The following PLEKHG1 variants were observed in gnomAD, a reference collection of about 807,000 sequenced individuals.
PLEKHG1 encodes the protein pleckstrin homology domain-containing family G member 1.
In PLEKHG1, 44 loss-of-function variants were observed where a neutral mutation model predicts 100.8. The ratio of observed to expected loss-of-function variants is 0.44; its 90% CI spans 0.34 to 0.56. The LOEUF (loss-of-function observed/expected upper bound fraction) is 0.56. Ranked by LOEUF, PLEKHG1 falls within the 20% of genes least tolerant of loss-of-function variation. The probability of loss-of-function intolerance (pLI) is 0.01; values close to 1 mark genes in which losing one functional copy is unlikely to be tolerated. For synonymous variants in PLEKHG1, 640 were observed against 662.5 expected, an observed-to-expected ratio of 0.97 and a Z score of 0.52; for missense variants, 1,545 against 1,720.9, an observed-to-expected ratio of 0.90 and a Z score of 1.81.
intron 1 of PLEKHG1, among the ~76,000 whole-genome samples, chr6:150,632,155 G>A (rs4530869): frequency 0.22 from 32,853 of 152,126 alleles, 5,280 homozygotes; most frequent in African/African-American, 0.45. Context: ...GTGAAAAAAG[G>A]AAAAGGTCAG....
intron 3 of PLEKHG1, among the ~76,000 whole-genome samples, chr6:150,702,259 C>A (rs9480545): frequency 0.092 from 13,968 of 152,166 alleles, 1,873 homozygotes; most frequent in African/African-American, 0.3. Context: ...ATCACGAGGT[C>A]AGGAGTTCAA....
At chr6:150,830,442 G>A in intron 14 of PLEKHG1, 140 bp from the exon 16 acceptor site, 1 of 637,680 alleles carries the variant, frequency 1.6e-6, no homozygotes, top group Non-Finnish European at 2.6e-6. Context: ...GGGTAACACA[G>A]CAAGACCCTA....
chr6:150,671,270 G>A (rs539379104), intron 3 of PLEKHG1, among the ~76,000 whole-genome samples: 10 of 152,250 alleles, frequency 6.6e-5, no homozygotes, highest in Non-Finnish European at 1.3e-4. Context: ...GGGATTGCAG[G>A]ATCACATGGT....
upstream of PLEKHG1, among the ~76,000 whole-genome samples, chr6:150,717,478 C>G (rs1359087910): frequency 6.6e-6 from 1 of 152,094 alleles, no homozygotes; most frequent in Non-Finnish European, 1.5e-5. Flanking sequence ...CCACGCCCGG[C>G]CTGGGAAGGG....
At chr6:150,788,373 C>T (rs556245447) in intron 4 of PLEKHG1, among the ~76,000 whole-genome samples, 4 of 152,208 alleles carry the variant, frequency 2.6e-5, no homozygotes, top group Non-Finnish European at 4.4e-5. Flanking sequence ...ATTGGGAGGC[C>T]GTTAATGAAA....
intron 2 of PLEKHG1, among the ~76,000 whole-genome samples, chr6:150,766,798 G>T (rs1784475137): frequency 6.6e-6 from 1 of 152,152 alleles, no homozygotes; most frequent in South Asian, 2.1e-4. Flanking sequence ...TTAGTATCAG[G>T]TTTCTGCAAA....
intron 2 of PLEKHG1, among the ~76,000 whole-genome samples, chr6:150,741,725 C>T (rs891599014): frequency 5.3e-5 from 8 of 152,160 alleles, no homozygotes; most frequent in Non-Finnish European, 1.5e-5. Context: ...GGCCTTTCTC[C>T]GAAACCCACT....
chr6:150,813,291 T>G (rs1202864786), intron 10 of PLEKHG1, among the ~76,000 whole-genome samples: 2 of 127,532 alleles, frequency 1.6e-5, no homozygotes, highest in East Asian at 2.2e-4. Context: ...GGCGACAGAG[T>G]GAGACTCTGT....
At chr6:150,758,573 G>A (rs1357338365) in intron 2 of PLEKHG1, among the ~76,000 whole-genome samples, 2 of 152,176 alleles carry the variant, frequency 1.3e-5, no homozygotes, top group African/African-American at 4.8e-5. Context: ...GACCTCAGGT[G>A]ATCTGCCTGC....
intron 7 of PLEKHG1, among the ~76,000 whole-genome samples, 175 bp downstream of exon 8, chr6:150,804,916 T>G (rs979500153): frequency 6.6e-6 from 1 of 151,460 alleles, no homozygotes; most frequent in African/African-American, 2.4e-5. Flanking sequence ...GTATGGCTAT[T>G]TAAGAGAAAG....
At chr6:150,816,326 C>CTTTTTTTTT (rs1173343082) in intron 10 of PLEKHG1, among the ~76,000 whole-genome samples, 628 of 41,120 alleles carry the variant, frequency 0.015, 187 homozygotes, top group Middle Eastern at 0.024. Flanking sequence ...CTCAAACATA[C>CTTTTTTTTT]TTTTTTTTTT....
At chr6:150,668,685 G>A (rs918374900) in intron 3 of PLEKHG1, among the ~76,000 whole-genome samples, 3 of 152,110 alleles carry the variant, frequency 2.0e-5, no homozygotes, top group South Asian at 2.1e-4. Context: ...CTTTAAAACC[G>A]GAATGCTTTA....
At chr6:150,804,155 T>TATATATATATATATATATA (rs1554276213) in intron 6 of PLEKHG1, among the ~76,000 whole-genome samples, 4 of 30,274 alleles carry the variant, frequency 1.3e-4, no homozygotes, top group African/African-American at 5.7e-4. Flanking sequence ...TGTAAATATT[T>TATATATATATATATATATA]TATATATATA....
chr6:150,606,905 A>C (rs1363146080), intron 1 of PLEKHG1, among the ~76,000 whole-genome samples: 4 of 151,242 alleles, frequency 2.6e-5, no homozygotes, highest in Admixed American at 6.6e-5. Context: ...CCCTCTCCCA[A>C]CTCTGCTAGG....
At chr6:150,805,824 A>C (rs1425699371) in intron 7 of PLEKHG1, among the ~76,000 whole-genome samples, 1 of 152,030 alleles carries the variant, frequency 6.6e-6, no homozygotes, top group Non-Finnish European at 1.5e-5. Context: ...ACCGCACCTG[A>C]CAGTTTCCTC....
chr6:150,763,021 C>CTTATTTTTTTTTT (rs1383647382), intron 2 of PLEKHG1, among the ~76,000 whole-genome samples: 1 of 41,168 alleles, frequency 2.4e-5, no homozygotes, highest in African/African-American at 1.5e-4. Flanking sequence ...AGGGATAAAG[C>CTTATTTTTTTTTT]TTCTTTTTTT....
intron 11 of PLEKHG1, among the ~76,000 whole-genome samples, chr6:150,819,143 G>A (rs1776154569): frequency 6.7e-6 from 1 of 148,454 alleles, no homozygotes; most frequent in Non-Finnish European, 1.5e-5. Flanking sequence ...TTGGCCGGGT[G>A]TGGTGGCTCA....
chr6:150,692,904 C>T (rs1582952071), intron 3 of PLEKHG1, among the ~76,000 whole-genome samples: 2 of 152,268 alleles, frequency 1.3e-5, no homozygotes, highest in Non-Finnish European at 2.9e-5. Flanking sequence ...CAGGCGTTAG[C>T]ATAAGCAAAG....
In PLEKHG1 at chr6:150,830,860, T is replaced by C. The variant is rs138821912; in HGVS notation, c.1749T>C (p.Ser583=). The C allele has an allele frequency of 3.2e-5, 51 of 1,614,042 alleles. No homozygotes were observed. In the African/African-American group the frequency reaches 6.1e-4, roughly 19 times the overall value. The change falls in exon 15 of 16, where the codon AGT becomes AGC. Residue 583 remains serine (S), a synonymous_variant. Coordinates refer to ENST00000358517, the Ensembl canonical transcript of PLEKHG1. Reference sequence around the variant, plus strand: ...GACTATGTGAAGATAGCACTTCTAGTCGCCCTTGCAGCTGGCATATGGGAC... The same window carrying C: ...GACTATGTGAAGATAGCACTTCTAGCCGCCCTTGCAGCTGGCATATGGGAC...
Sources: gnomAD v4.1 joint callset for allele counts (sites outside exome capture counted in the v4.1 genomes callset) on GRCh38, gnomAD v4.1.1 for gene constraint, MANE v1.5 for transcripts, NCBI Gene and HGNC (gene_info 2026-07-23, HGNC 2026-07-21) for gene names.